Variants in CDH4 observed in about 807,000 individuals in gnomAD.
CDH4 encodes the protein cadherin 4.
CDH4 carries 33 observed loss-of-function variants against 86.0 expected under a neutral mutation model. That is an observed-to-expected ratio of 0.38 (90% CI 0.29 to 0.51). CDH4 has a LOEUF of 0.51. Ranked by LOEUF, CDH4 falls within the 20% of genes least tolerant of loss-of-function variation. The probability of loss-of-function intolerance (pLI) is 0.86; values close to 1 mark genes in which losing one functional copy is unlikely to be tolerated. For missense variants in CDH4, 1,114 were observed against 1,307.4 expected, an observed-to-expected ratio of 0.85 and a Z score of 2.28; for synonymous variants, 555 against 549.4, an observed-to-expected ratio of 1.01 and a Z score of -0.14.
At chr20:61,532,641 G>C (rs370196947) in intron 2 of CDH4, among the ~76,000 whole-genome samples, 1 of 152,202 alleles carries the variant, frequency 6.6e-6, no homozygotes, top group South Asian at 2.1e-4. Context: ...TCAGTTAAAA[G>C]CAAACCAAAG....
chr20:61,489,963 A>AT (rs933650321), intron 2 of CDH4, among the ~76,000 whole-genome samples: 9 of 151,614 alleles, frequency 5.9e-5, no homozygotes, highest in East Asian at 5.8e-4. Flanking sequence ...AAGGAGTTGT[A>AT]TTTTTTTTTA....
At chr20:61,577,418 G>A (rs540828165) in intron 2 of CDH4, among the ~76,000 whole-genome samples, 15 of 152,324 alleles carry the variant, frequency 9.8e-5, no homozygotes, top group Admixed American at 6.5e-4. Flanking sequence ...TATTTTGTGT[G>A]TTGAAGGATG....
intron 2 of CDH4, among the ~76,000 whole-genome samples, chr20:61,568,454 C>G (rs1352467635): frequency 6.6e-6 from 1 of 152,196 alleles, no homozygotes; most frequent in Non-Finnish European, 1.5e-5. Flanking sequence ...CCCAGCCATG[C>G]TGAACTGTGA....
intron 2 of CDH4, among the ~76,000 whole-genome samples, chr20:61,311,952 G>A (rs953115000): frequency 2.6e-5 from 4 of 152,278 alleles, no homozygotes; most frequent in East Asian, 1.9e-4. Context: ...GTCATTGTGC[G>A]TGCACATGTG....
At position 61,370,697 on chromosome 20, in the gene CDH4, A is replaced by G. The variant is rs2084835300; in HGVS notation, c.169+115760A>G. ...AAATAACTCAATGGTAAATTTTTAC[A>G]ATATTGTTTTTACAGAGACTGTAAT... On this transcript the variant is annotated intron_variant, in intron 2 of 15. Transcript: ENST00000614565. 3 of 152,232 alleles carry G rather than the reference A, an allele frequency of 2.0e-5. No individual in the cohort carries two copies. In the South Asian group the frequency reaches 6.2e-4, roughly 32 times the overall value. The allele number at this position is 152,232 out of a possible 1,614,324, so 9.4% of individuals were successfully genotyped here.
intron 2 of CDH4, among the ~76,000 whole-genome samples, chr20:61,268,514 G>T (rs2084168444): frequency 6.6e-6 from 1 of 152,210 alleles, no homozygotes; most frequent in Admixed American, 6.5e-5. Context: ...TCTTCAGGGG[G>T]TGCTATGGTT....
intron 2 of CDH4, among the ~76,000 whole-genome samples, chr20:61,559,509 A>ATTT (rs1347282522): frequency 6.5e-5 from 7 of 107,808 alleles, no homozygotes; most frequent in Non-Finnish European, 9.4e-5. Flanking sequence ...TTTCTTTTTA[A>ATTT]TTTTTTTTTC....
intron 2 of CDH4, among the ~76,000 whole-genome samples, chr20:61,397,894 G>A (rs1246566016): frequency 2.0e-5 from 3 of 151,902 alleles, no homozygotes; most frequent in African/African-American, 4.9e-5. Context: ...TGGCCGTATC[G>A]CAGCTGCTAT....
intron 2 of CDH4, among the ~76,000 whole-genome samples, chr20:61,335,647 GT>G (rs2084613013): frequency 6.6e-6 from 1 of 152,190 alleles, no homozygotes; most frequent in African/African-American, 2.4e-5. Context: ...CGTGCAAATT[GT>G]CAGAAAACTC....
rs552314715 is a variant in CDH4 at position 61,895,221 on chromosome 20, T to C, written c.1188+174T>C. Among the ~76,000 whole-genome samples, 11 of 152,328 alleles carry C rather than the reference T, an allele frequency of 7.2e-5. No homozygotes were observed. In the East Asian group the frequency reaches 2.1e-3, roughly 29 times the overall value. ...CTGTGTGGAGTGGCTCGATTCCTGA[T>C]GTGCGCAGTAGGAGAGAGGCCGGGG... On this transcript the variant is annotated intron_variant, in intron 8 of 15. Coordinates refer to ENST00000614565, the MANE Select transcript of CDH4 (RefSeq NM_001794.5).
intron 2 of CDH4, among the ~76,000 whole-genome samples, chr20:61,542,864 C>T (rs11908635): frequency 0.13 from 19,099 of 152,148 alleles, 1,626 homozygotes; most frequent in East Asian, 0.34. Context: ...GCTGTGTGCA[C>T]GCTAAGGAGC....
chr20:61,854,911 G>A (rs575060614), intron 6 of CDH4, among the ~76,000 whole-genome samples: 20 of 138,404 alleles, frequency 1.4e-4, no homozygotes, highest in South Asian at 4.7e-4. Flanking sequence ...GGTGAATTGC[G>A]CCTTTGGCCC....
chr20:61,622,222 G>A (rs1351225572), intron 2 of CDH4, among the ~76,000 whole-genome samples: 1 of 152,236 alleles, frequency 6.6e-6, no homozygotes, highest in Non-Finnish European at 1.5e-5. Flanking sequence ...AGGTGCCACC[G>A]CCTCCTCCCC....
At chr20:61,298,706 CAA>C (rs11481019) in intron 2 of CDH4, among the ~76,000 whole-genome samples, 2 of 131,232 alleles carry the variant, frequency 1.5e-5, no homozygotes. Context: ...TTTCTCTTGC[CAA>C]AAAAAAAAAA....
chr20:61,758,933 A>G (rs1002996629), intron 3 of CDH4, among the ~76,000 whole-genome samples: 1 of 152,126 alleles, frequency 6.6e-6, no homozygotes, highest in Non-Finnish European at 1.5e-5. Context: ...ACCTGTGTGC[A>G]TGGGTGTACA....
intron 2 of CDH4, among the ~76,000 whole-genome samples, chr20:61,373,514 C>G (rs2084851363): frequency 6.6e-6 from 1 of 152,216 alleles, no homozygotes; most frequent in Admixed American, 6.5e-5. Flanking sequence ...TAATGAATGT[C>G]GTCCTGGGGC....
intron 4 of CDH4, among the ~76,000 whole-genome samples, chr20:61,835,868 T>G (rs1981848692): frequency 6.6e-6 from 1 of 152,104 alleles, no homozygotes. Context: ...CCGGGCACTG[T>G]GTTAAGGGCT....
At chr20:61,554,747 G>T (rs745328779) in intron 2 of CDH4, among the ~76,000 whole-genome samples, 18 of 152,262 alleles carry the variant, frequency 1.2e-4, no homozygotes, top group Admixed American at 1.1e-3. Flanking sequence ...ACATGTACAT[G>T]CATGAACATA....
intron 6 of CDH4, among the ~76,000 whole-genome samples, chr20:61,862,665 G>A (rs747846172): frequency 8.5e-5 from 13 of 152,182 alleles, no homozygotes; most frequent in Admixed American, 1.3e-4. Flanking sequence ...CTCAGGGCTC[G>A]GGAACTCACC....
Sources: allele counts gnomAD v4.1 joint callset (sites outside exome capture counted in the v4.1 genomes callset), GRCh38; gene constraint gnomAD v4.1.1; transcripts MANE v1.5; gene names NCBI Gene and HGNC (gene_info 2026-07-23, HGNC 2026-07-21).